Variants in XPA observed in about 807,000 individuals in gnomAD.
The protein encoded by XPA is DNA repair protein complementing XP-A cells.
XPA carries 27 observed loss-of-function variants against 35.7 expected under a neutral mutation model. The ratio of observed to expected loss-of-function variants is 0.76; its 90% CI spans 0.56 to 1.04. XPA has a LOEUF of 1.04. XPA is among the 50% of genes least tolerant of loss of function. The pLI is 0.00. For synonymous variants in XPA, 133 were observed against 118.4 expected (o/e 1.12, Z -0.80); for missense variants, 354 against 342.7 (o/e 1.03, Z -0.26).
the XPA span, chr9:97,666,714 C>A: frequency 1.6e-6 from 2 of 1,247,042 alleles, no homozygotes; most frequent in South Asian, 1.4e-5. Flanking sequence ...ATTTTATTTT[C>A]TGTAACCATA....
At chr9:97,686,343 C>G (rs1440549135) in intron 4 of XPA, among the ~76,000 whole-genome samples, 3 of 152,226 alleles carry the variant, frequency 2.0e-5, no homozygotes, top group Non-Finnish European at 4.4e-5. Flanking sequence ...GGATCACCGT[C>G]TTGGCACACC....
the XPA span, chr9:97,662,891 G>GATC: frequency 7.9e-7 from 1 of 1,267,606 alleles, no homozygotes; most frequent in Non-Finnish European, 1.1e-6. Flanking sequence ...AAAAGGCTTT[G>GATC]AAAACACTAA....
chr9:97,689,695 T>G, intron 2 of XPA, 56 bp from the exon 3 acceptor site: 1 of 1,019,550 alleles, frequency 9.8e-7, no homozygotes, highest in Non-Finnish European at 1.5e-6. Context: ...ACAATATATT[T>G]TCCTCTATTT....
At chr9:97,662,746 A>G in the XPA span, among the ~76,000 whole-genome samples, 1 of 152,226 alleles carries the variant, frequency 6.6e-6, no homozygotes, top group African/African-American at 2.4e-5. Flanking sequence ...TAACGGTAGT[A>G]TATTGTAAAT....
chr9:97,689,084 T>C (rs2131399203), intron 3 of XPA, among the ~76,000 whole-genome samples: 1 of 152,278 alleles, frequency 6.6e-6, no homozygotes, highest in South Asian at 2.1e-4. Flanking sequence ...CTATTCTCTC[T>C]ATGAGGGTAG....
At chr9:97,667,056 G>T in the XPA span, among the ~76,000 whole-genome samples, 6 of 152,186 alleles carry the variant, frequency 3.9e-5, no homozygotes, top group African/African-American at 1.4e-4. Flanking sequence ...AGCAGGTAGT[G>T]TGTTGTGTGC....
chr9:97,687,000 T>C, intron 4 of XPA, 96 bp downstream of exon 4: 1 of 1,264,708 alleles, frequency 7.9e-7, no homozygotes, highest in Admixed American at 2.1e-5. Flanking sequence ...AAAAGAGTTT[T>C]TCCACACTCT....
the XPA span, chr9:97,656,037 A>G: frequency 6.2e-7 from 1 of 1,614,110 alleles, no homozygotes; most frequent in African/African-American, 1.3e-5. Context: ...CAAGATCCTG[A>G]AAGTCCCAAA....
At chr9:97,683,943 A>G (rs1302838259) in intron 5 of XPA, among the ~76,000 whole-genome samples, 2 of 152,216 alleles carry the variant, frequency 1.3e-5, no homozygotes, top group East Asian at 3.8e-4. Context: ...AATTTAGTAT[A>G]TATATAAAAC....
chr9:97,676,465 G>A (rs1828369324), intron 5 of XPA, among the ~76,000 whole-genome samples: 1 of 152,136 alleles, frequency 6.6e-6, no homozygotes, highest in Non-Finnish European at 1.5e-5. Flanking sequence ...CTTTGACAGT[G>A]GCATTACCTA....
chr9:97,655,727 C>T, the XPA span: 6 of 1,612,782 alleles, frequency 3.7e-6, no homozygotes, highest in Non-Finnish European at 5.1e-6. Flanking sequence ...TTCTCATCAT[C>T]TAAGTAACTT....
chr9:97,696,444 C>T (rs1332171125), intron 1 of XPA, among the ~76,000 whole-genome samples: 1 of 152,118 alleles, frequency 6.6e-6, no homozygotes. Flanking sequence ...TAGTTTTTGC[C>T]AAGAAATCGC....
intron 2 of XPA, among the ~76,000 whole-genome samples, chr9:97,692,945 C>T (rs1230173614): frequency 6.6e-6 from 1 of 152,034 alleles, no homozygotes; most frequent in Admixed American, 6.6e-5. Flanking sequence ...CAAGTCTCAG[C>T]TTCTGCAAAC....
the XPA span, among the ~76,000 whole-genome samples, chr9:97,656,273 C>G: frequency 6.6e-6 from 1 of 152,252 alleles, no homozygotes; most frequent in East Asian, 1.9e-4. Context: ...TGAATTTAAG[C>G]CAATAAGTTC....
At chr9:97,684,692 T>A (rs980570358) in intron 5 of XPA, among the ~76,000 whole-genome samples, 13 of 152,162 alleles carry the variant, frequency 8.5e-5, no homozygotes, top group African/African-American at 3.1e-4. Flanking sequence ...TATAAAAACA[T>A]GATTCACTTT....
downstream of XPA, chr9:97,670,123 A>G (rs1828142047): frequency 3.3e-6 from 1 of 303,598 alleles, no homozygotes; most frequent in Non-Finnish European, 6.5e-6. Context: ...GAGTTTCACC[A>G]TGTTGGCCAG....
the XPA span, among the ~76,000 whole-genome samples, chr9:97,654,533 G>A: frequency 2.6e-5 from 4 of 151,302 alleles, no homozygotes; most frequent in East Asian, 3.9e-4. Flanking sequence ...CAGTAGACTT[G>A]CTTGTTGCAG....
At chr9:97,658,682 C>T in the XPA span, 3 of 1,613,356 alleles carry the variant, frequency 1.9e-6, no homozygotes, top group East Asian at 2.2e-5. Flanking sequence ...TTCCTCCTAC[C>T]TTCTCAGCTC....
At chr9:97,685,327 G>A (rs1828683765) in intron 4 of XPA, among the ~76,000 whole-genome samples, 1 of 152,158 alleles carries the variant, frequency 6.6e-6, no homozygotes, top group Non-Finnish European at 1.5e-5. Flanking sequence ...CACGTGGTCA[G>A]TGAGTTTGAT....
Sources: allele counts gnomAD v4.1 joint callset (sites outside exome capture counted in the v4.1 genomes callset), GRCh38; gene constraint gnomAD v4.1.1; transcripts MANE v1.5; gene names NCBI Gene and HGNC (gene_info 2026-07-23, HGNC 2026-07-21).